The following KMO variants were observed in gnomAD, a reference collection of about 807,000 sequenced individuals.
KMO encodes kynurenine 3-hydroxylase.
KMO carries 24 observed loss-of-function variants against 57.8 expected under a neutral mutation model. The ratio of observed to expected loss-of-function variants is 0.42; its 90% CI spans 0.30 to 0.58. The LOEUF (loss-of-function observed/expected upper bound fraction) is 0.58. Ranked by LOEUF, KMO falls within the 20% of genes least tolerant of loss-of-function variation. The pLI is 0.22. For missense variants in KMO, 483 were observed against 588.2 expected, an observed-to-expected ratio of 0.82 and a Z score of 1.85; for synonymous variants, 210 against 193.6, an observed-to-expected ratio of 1.08 and a Z score of -0.70.
intron 10 of KMO, among the ~76,000 whole-genome samples, chr1:241,581,700 G>A (rs1025535637): frequency 2.6e-5 from 4 of 152,138 alleles, no homozygotes; most frequent in Admixed American, 2.0e-4. Context: ...TTGACATTTT[G>A]TTGTCTCTAT....
intron 4 of KMO, among the ~76,000 whole-genome samples, chr1:241,554,596 A>G (rs1163770460): frequency 6.6e-6 from 1 of 151,704 alleles, no homozygotes. Flanking sequence ...CTGATTTAAA[A>G]ATAAACTAAA....
intron 1 of KMO, among the ~76,000 whole-genome samples, chr1:241,543,784 C>T (rs1573904812): frequency 6.6e-6 from 1 of 152,170 alleles, no homozygotes; most frequent in African/African-American, 2.4e-5. Context: ...CTTAATGTGC[C>T]CACACTACCC....
At chr1:241,554,200 C>G (rs1358605835) in intron 4 of KMO, among the ~76,000 whole-genome samples, 2 of 151,758 alleles carry the variant, frequency 1.3e-5, no homozygotes, top group Non-Finnish European at 2.9e-5. Context: ...TTTATTATTA[C>G]ATATTTTTTA....
At position 241,562,460 on chromosome 1, in the gene KMO, A is replaced by G. The variant is rs1661884906; in HGVS notation, c.615+128A>G. On this transcript the variant is annotated intron_variant, in intron 7 of 14. Coordinates refer to ENST00000366559, the MANE Select transcript of KMO (RefSeq NM_003679.5). ...TTGAGGCCTATCACAAGAACTTTGTAATGAAGAATAAATGGGATGCATGGG... is the reference window on the plus strand; with the variant it reads ...TTGAGGCCTATCACAAGAACTTTGTGATGAAGAATAAATGGGATGCATGGG... 4.7e-6 allele frequency: 4 copies of G among 852,440 alleles called. No homozygotes were observed. In the South Asian group the frequency reaches 6.6e-5, roughly 14 times the overall value. The allele number at this position is 852,440 out of a possible 1,614,324, so 52.8% of individuals were successfully genotyped here.
At chr1:241,564,757 T>C (rs1452730111) in intron 7 of KMO, among the ~76,000 whole-genome samples, 1 of 152,062 alleles carries the variant, frequency 6.6e-6, no homozygotes, top group Non-Finnish European at 1.5e-5. Flanking sequence ...GCACGTATTC[T>C]GAAATCTTGA....
chr1:241,579,033 T>C (rs1430085952), intron 10 of KMO, among the ~76,000 whole-genome samples: 1 of 152,100 alleles, frequency 6.6e-6, no homozygotes, highest in Admixed American at 6.6e-5. Flanking sequence ...ACCAGGTCCC[T>C]CCCACAACAC....
chr1:241,540,261 C>T (rs192420223), intron 1 of KMO, among the ~76,000 whole-genome samples: 145 of 152,072 alleles, frequency 9.5e-4, no homozygotes, highest in Middle Eastern at 3.4e-3. Flanking sequence ...AAAATACAAG[C>T]CATGCAAATA....
intron 4 of KMO, among the ~76,000 whole-genome samples, chr1:241,555,044 CA>C (rs1015639461): frequency 1.4e-4 from 21 of 151,920 alleles, no homozygotes; most frequent in Admixed American, 1.4e-3. Context: ...AAGGGAGGGT[CA>C]GCTTTGCTGA....
At chr1:241,573,364 A>C (rs981480306) in intron 10 of KMO, among the ~76,000 whole-genome samples, 5 of 152,222 alleles carry the variant, frequency 3.3e-5, no homozygotes, top group African/African-American at 1.2e-4. Context: ...CAATGTCCAG[A>C]GGAGTTTCTC....
chr1:241,569,599 A>G (rs535066625), intron 10 of KMO, among the ~76,000 whole-genome samples: 2 of 152,254 alleles, frequency 1.3e-5, no homozygotes, highest in Non-Finnish European at 2.9e-5. Context: ...TGCTATTGTG[A>G]ATAGTGCTGC....
rs1424307141 is a variant in KMO, at chr1:241,593,455, T to C, written c.*1302T>C. The C allele has an allele frequency of 5.6e-6, 2 of 359,902 alleles. No individual in the cohort carries two copies. Among genetic ancestry groups the C allele is most frequent in the Non-Finnish European group, 1.3e-5 (2 of 154,810 alleles). 22.3% of individuals were successfully genotyped at this position (359,902 alleles called of 1,614,324 possible). A position where few individuals can be genotyped will look rare whatever the true frequency, so the allele number is the denominator to read the frequency against. On this transcript the variant is annotated 3_prime_UTR_variant, in exon 15 of 15. Transcript: ENST00000366559. Reference sequence around the variant, plus strand: ...AAGAAATAAAAATTGGGCAATAAAATAAAATGATTCAGTGTTTCTTTTCTA... The same window carrying C: ...AAGAAATAAAAATTGGGCAATAAAACAAAATGATTCAGTGTTTCTTTTCTA...
chr1:241,568,896 T>A (rs1662177634), intron 10 of KMO, among the ~76,000 whole-genome samples: 1 of 152,108 alleles, frequency 6.6e-6, no homozygotes, highest in East Asian at 1.9e-4. Context: ...CACCAAGGGA[T>A]CAGCTCCAGG....
At chr1:241,586,191 C>CTTTTTTT (rs386370217) in intron 10 of KMO, among the ~76,000 whole-genome samples, 16 of 80,070 alleles carry the variant, frequency 2.0e-4, no homozygotes, top group Admixed American at 3.4e-4. Flanking sequence ...AGTCTATGGT[C>CTTTTTTT]TTTTTTTTTT....
intron 10 of KMO, among the ~76,000 whole-genome samples, chr1:241,579,899 T>C (rs1042663237): frequency 1.2e-4 from 19 of 152,132 alleles, no homozygotes; most frequent in Admixed American, 1.2e-3. Context: ...TTCCCAGTAA[T>C]GTAGAATCAG....
At chr1:241,550,104 C>A (rs1661342201) in intron 3 of KMO, 5 of 188,576 alleles carry the variant, frequency 2.7e-5, no homozygotes, top group Non-Finnish European at 4.3e-5. Context: ...TGCACAGGCC[C>A]GTAATATCTT....
At chr1:241,557,979 T>A (rs1370450106) in intron 5 of KMO, among the ~76,000 whole-genome samples, 1 of 152,240 alleles carries the variant, frequency 6.6e-6, no homozygotes, top group East Asian at 1.9e-4. Flanking sequence ...GTGTTTTACA[T>A]GCATAGATTT....
In KMO at chr1:241,594,064, C is replaced by A. The variant is rs113897665; in HGVS notation, c.*1911C>A. 1.3e-5 allele frequency: 3 copies of A among 229,958 alleles called. No individual in the cohort carries two copies. The South Asian group carries it at 2.2e-4, about 17-fold the overall frequency. The allele number at this position is 229,958 out of a possible 1,614,324, so 14.2% of individuals were successfully genotyped here. On this transcript the variant is annotated 3_prime_UTR_variant, in exon 15 of 15. Transcript: ENST00000366559. ...TCTAGCTACTTCACACATGTGTACG[C>A]GACAGTTATTTTTACAGTAAGGTAT...
chr1:241,574,937 A>G (rs947658141), intron 10 of KMO, among the ~76,000 whole-genome samples: 1 of 151,894 alleles, frequency 6.6e-6, no homozygotes, highest in Non-Finnish European at 1.5e-5. Context: ...TACTGATTTA[A>G]TCTCACTGCT....
chr1:241,557,420 T>C (rs1661679374), intron 5 of KMO, among the ~76,000 whole-genome samples: 1 of 152,216 alleles, frequency 6.6e-6, no homozygotes, highest in African/African-American at 2.4e-5. Context: ...AGACTGTACA[T>C]GATTTATCTT....
Sources: allele counts gnomAD v4.1 joint callset (sites outside exome capture counted in the v4.1 genomes callset), GRCh38; gene constraint gnomAD v4.1.1; transcripts MANE v1.5; gene names NCBI Gene and HGNC (gene_info 2026-07-23, HGNC 2026-07-21).